The following FABP5 variants were observed in gnomAD, a reference collection of about 807,000 sequenced individuals.
FABP5 encodes the protein fatty acid binding protein 5.
FABP5 carries 7 observed loss-of-function variants against 16.9 expected under a neutral mutation model. The observed-to-expected ratio is 0.41, with a 90% CI of 0.24 to 0.78. The LOEUF (loss-of-function observed/expected upper bound fraction) is 0.78, where lower values mean the gene tolerates loss of function less well. Ranked by LOEUF, FABP5 falls within the 30% of genes least tolerant of loss-of-function variation. The pLI is 0.30. For synonymous variants in FABP5, 37 were observed against 52.8 expected (o/e 0.70, Z 1.30); for missense variants, 119 against 159.5 (o/e 0.75, Z 1.37).
chr8:81,281,250 T>C lies in FABP5; in HGVS notation c.79+576T>C. The C allele has an allele frequency of 1.3e-6, 1 of 754,768 alleles. No individual in the cohort carries two copies. Among genetic ancestry groups the C allele is most frequent in the Non-Finnish European group, 1.6e-6 (1 of 618,680 alleles). 46.8% of individuals were successfully genotyped at this position (754,768 alleles called of 1,614,324 possible). On this transcript the variant is annotated intron_variant, in intron 1 of 3. Transcript: ENST00000297258. This position sits in a 1 kb window ranked among gnomAD's most constrained non-coding sequence, Gnocchi z 4.5. ...CGCGCAGTTTCCCGCAGAAATCCTGTGGAGGGGTCTGAGTGGCGCTACAGC... is the reference window on the plus strand; with the variant it reads ...CGCGCAGTTTCCCGCAGAAATCCTGCGGAGGGGTCTGAGTGGCGCTACAGC...
At chr8:81,283,050 G>T in intron 1 of FABP5, 2 of 210,170 alleles carry the variant, frequency 9.5e-6, no homozygotes, top group East Asian at 2.0e-4. Context: ...TGGAGCCAGG[G>T]TGCCAGTGCT....
Position 81,280,863 on chromosome 8 carries a change from A to C in FABP5, c.79+189A>C, listed in dbSNP as rs1807816849. ...AGCACCACGCGGGCAGGCGGCGAGG[A>C]GCAGGGAGCGTGCGCGCCTCTTGCC... On this transcript the variant is annotated intron_variant, in intron 1 of 3. Transcript: ENST00000297258. 9 of 571,574 alleles carry C rather than the reference A, an allele frequency of 1.6e-5. 1 individual carries two copies. In the South Asian group the frequency reaches 1.9e-4, roughly 12 times the overall value. 35.4% of individuals were successfully genotyped at this position (571,574 alleles called of 1,614,324 possible).
At chr8:81,284,200 C>T in intron 3 of FABP5, 1 of 540,748 alleles carries the variant, frequency 1.8e-6, no homozygotes, top group Non-Finnish European at 3.2e-6. Flanking sequence ...TCTTGCTTTG[C>T]TGCCACGTCA....
Position 81,281,198 on chromosome 8 carries a change from G to C in FABP5, c.79+524G>C. On this transcript the variant is annotated intron_variant, in intron 1 of 3. Coordinates refer to ENST00000297258, the MANE Select transcript of FABP5 (RefSeq NM_001444.3). The surrounding 1 kb of genome is among the most constrained non-coding windows in gnomAD (Gnocchi z 4.5). ...CCCTGTGGCGCGCAGGTCACCCTCC[G>C]TTTTCTTCATGGGGACGCGGTGCTG... 2.7e-6 allele frequency: 1 copy of C among 364,840 alleles called. No individual in the cohort carries two copies. The highest frequency in any genetic ancestry group is 3.8e-6 in the Non-Finnish European group (1 of 262,386). The allele number at this position is 364,840 out of a possible 1,614,324, so 22.6% of individuals were successfully genotyped here.
chr8:81,284,046 A>C, intron 3 of FABP5, 72 bp downstream of exon 3: 1 of 1,125,166 alleles, frequency 8.9e-7, no homozygotes, highest in Non-Finnish European at 1.3e-6. Flanking sequence ...GTTCTATATC[A>C]TTGATCATTA....
intron 3 of FABP5, chr8:81,284,232 C>G: frequency 1.9e-6 from 1 of 538,112 alleles, no homozygotes; most frequent in Non-Finnish European, 3.3e-6. Context: ...TGGCAAGCCA[C>G]CAAACTGCAC....
At chr8:81,284,401 T>C in intron 3 of FABP5, 113 bp from the exon 4 acceptor site, 1 of 687,758 alleles carries the variant, frequency 1.5e-6, no homozygotes, top group Non-Finnish European at 2.5e-6. Flanking sequence ...ATTTTCTCCA[T>C]CTATGAAGTA....
At chr8:81,283,813 G>A in intron 2 of FABP5, 60 bp from the exon 3 acceptor site, 1 of 1,343,392 alleles carries the variant, frequency 7.4e-7, no homozygotes. Flanking sequence ...AGGAGGTTAT[G>A]AGTCATGGAA....
chr8:81,282,719 T>C (rs1807851667), intron 1 of FABP5, among the ~76,000 whole-genome samples: 1 of 152,190 alleles, frequency 6.6e-6, no homozygotes, highest in South Asian at 2.1e-4. Context: ...TTTTTTCCCA[T>C]TTGTTAGCAT....
chr8:81,282,386 C>T (rs1368785571), intron 1 of FABP5, among the ~76,000 whole-genome samples: 2 of 152,084 alleles, frequency 1.3e-5, no homozygotes, highest in African/African-American at 4.8e-5. Context: ...CATAATGACT[C>T]AATTAACAGC....
chr8:81,280,739 C>T, intron 1 of FABP5, 65 bp downstream of exon 1: 2 of 1,436,446 alleles, frequency 1.4e-6, no homozygotes, highest in South Asian at 1.2e-5. Context: ...TCCCTAGGTC[C>T]CCGTCAGCGT....
intron 1 of FABP5, 120 bp from the exon 2 acceptor site, chr8:81,283,246 A>G: frequency 1.2e-6 from 1 of 826,956 alleles, no homozygotes; most frequent in Non-Finnish European, 1.9e-6. Context: ...TACAATAGTT[A>G]TCAATAAGCA....
chr8:81,280,699 C>G, intron 1 of FABP5, 25 bp downstream of exon 1: 1 of 1,548,988 alleles, frequency 6.5e-7, no homozygotes, highest in Non-Finnish European at 8.7e-7. Context: ...CTGGCAGCGC[C>G]TGCAACGTGG....
intron 2 of FABP5, 47 bp from the exon 3 acceptor site, chr8:81,283,824 ACT>A: frequency 1.4e-6 from 2 of 1,467,164 alleles, no homozygotes; most frequent in South Asian, 1.2e-5. Flanking sequence ...AGTCATGGAA[ACT>A]CTTGTAATGT....
At chr8:81,284,289 A>C in intron 3 of FABP5, 1 of 528,624 alleles carries the variant, frequency 1.9e-6, no homozygotes, top group Non-Finnish European at 3.3e-6. Flanking sequence ...CATAACCAAA[A>C]GAATAAAGAT....
intron 3 of FABP5, 115 bp from the exon 4 acceptor site, chr8:81,284,399 C>T (rs866792796): frequency 1.5e-6 from 1 of 675,836 alleles, no homozygotes; most frequent in Admixed American, 2.7e-5. Flanking sequence ...AAATTTTCTC[C>T]ATCTATGAAG....
intron 3 of FABP5, chr8:81,284,271 A>G (rs1807878671): frequency 3.8e-6 from 2 of 529,304 alleles, no homozygotes; most frequent in Non-Finnish European, 6.7e-6. Context: ...AAAATAAGGA[A>G]TATTTGCCAT....
In FABP5 at chr8:81,280,561, A is replaced by C. The variant is rs550714281; in HGVS notation, c.-35A>C. 4,369 of 1,545,520 alleles carry C rather than the reference A, an allele frequency of 2.8e-3. 8 individuals carry two copies. Among genetic ancestry groups the C allele is most frequent in the Non-Finnish European group, 3.1e-3 (3,525 of 1,144,244 alleles). ...ACAGCACGCTGCCACGCCGACGCAG[A>C]CCCCTCTCTGCACGCCAGCCCGCCC... On this transcript the variant is annotated 5_prime_UTR_variant, in exon 1 of 4. Coordinates refer to ENST00000297258, the MANE Select transcript of FABP5 (RefSeq NM_001444.3).
At chr8:81,283,820 G>A in intron 2 of FABP5, 53 bp from the exon 3 acceptor site, 1 of 1,446,684 alleles carries the variant, frequency 6.9e-7, no homozygotes, top group Non-Finnish European at 9.6e-7. Context: ...TATGAGTCAT[G>A]GAAACTCTTG....
Sources: gnomAD v4.1 joint callset for allele counts (sites outside exome capture counted in the v4.1 genomes callset) on GRCh38, gnomAD v4.1.1 for gene constraint, Gnocchi (gnomAD v3.1) non-coding constraint, MANE v1.5 for transcripts, NCBI Gene and HGNC (gene_info 2026-07-23, HGNC 2026-07-21) for gene names.